RBFOX3: variants seen among roughly 807,000 people sequenced by gnomAD.
RBFOX3 encodes the protein RNA binding protein fox-1 homolog 3.
RBFOX3 carries 17 observed loss-of-function variants against 48.7 expected under a neutral mutation model. That is an observed-to-expected ratio of 0.35 (90% CI 0.24 to 0.52). RBFOX3 has a LOEUF of 0.52. Ranked by LOEUF, RBFOX3 falls within the 20% of genes least tolerant of loss-of-function variation. RBFOX3 has a pLI of 0.94. For synonymous variants in RBFOX3, 212 were observed against 209.5 expected (o/e 1.01, Z -0.10); for missense variants, 382 against 497.5 (o/e 0.77, Z 2.21).
chr17:79,521,820 T>C (rs2086151457), intron 1 of RBFOX3, among the ~76,000 whole-genome samples: 1 of 152,202 alleles, frequency 6.6e-6, no homozygotes, highest in African/African-American at 2.4e-5. Flanking sequence ...TGCACATACA[T>C]ATCCTTAAGA....
chr17:79,448,338 G>A (rs899335452), intron 2 of RBFOX3, among the ~76,000 whole-genome samples: 12 of 152,192 alleles, frequency 7.9e-5, no homozygotes, highest in African/African-American at 2.9e-4. Flanking sequence ...CTCAAGCTGT[G>A]ACCTTATCTG....
At chr17:79,118,107 G>A (rs1436986848) in intron 4 of RBFOX3, among the ~76,000 whole-genome samples, 1 of 151,990 alleles carries the variant, frequency 6.6e-6, no homozygotes, top group Non-Finnish European at 1.5e-5. Flanking sequence ...CCCCAGTGCC[G>A]GCCGGCCCTG....
At chr17:79,617,640 C>T in the RBFOX3 span, among the ~76,000 whole-genome samples, 1 of 152,248 alleles carries the variant, frequency 6.6e-6, no homozygotes, top group East Asian at 1.9e-4. Context: ...TCTTTCTCTG[C>T]TTCTCCCTAA....
intron 2 of RBFOX3, among the ~76,000 whole-genome samples, chr17:79,432,937 G>A (rs1437223019): frequency 2.0e-5 from 3 of 152,304 alleles, no homozygotes; most frequent in East Asian, 1.9e-4. Flanking sequence ...TAAGTAAAAC[G>A]TTTAGAATCC....
chr17:79,522,279 G>T (rs1362500108), intron 1 of RBFOX3, among the ~76,000 whole-genome samples: 6 of 152,220 alleles, frequency 3.9e-5, no homozygotes, highest in African/African-American at 1.2e-4. Context: ...CAGAGGCCCT[G>T]TGTCATGCTG....
At chr17:79,631,824 G>A in the RBFOX3 span, among the ~76,000 whole-genome samples, 9 of 152,326 alleles carry the variant, frequency 5.9e-5, no homozygotes, top group African/African-American at 2.2e-4. Context: ...TGCTCCCCCT[G>A]GAAGAAGGAT....
At chr17:79,545,678 A>T (rs781868461) in intron 1 of RBFOX3, among the ~76,000 whole-genome samples, 2 of 152,168 alleles carry the variant, frequency 1.3e-5, no homozygotes, top group African/African-American at 2.4e-5. Flanking sequence ...ACGCTGTCCA[A>T]CCCACCTCCT....
At chr17:79,350,634 T>C (rs1598351308) in intron 2 of RBFOX3, among the ~76,000 whole-genome samples, 1 of 152,182 alleles carries the variant, frequency 6.6e-6, no homozygotes, top group Non-Finnish European at 1.5e-5. Context: ...TGCCCCACCA[T>C]GCCTCTGTCC....
chr17:79,187,607 G>A (rs28580005), intron 4 of RBFOX3, among the ~76,000 whole-genome samples: 8,476 of 152,216 alleles, frequency 0.056, 259 homozygotes, highest in South Asian at 0.088. Flanking sequence ...CATGGCTCAG[G>A]GATGGGAGGA....
chr17:79,485,691 C>T (rs1035731027), intron 1 of RBFOX3, among the ~76,000 whole-genome samples: 7 of 152,218 alleles, frequency 4.6e-5, no homozygotes, highest in African/African-American at 9.6e-5. Context: ...TGTCTGCAGC[C>T]GCCGGCTTAG....
At chr17:79,373,920 G>A (rs909274943) in intron 2 of RBFOX3, among the ~76,000 whole-genome samples, 4 of 152,050 alleles carry the variant, frequency 2.6e-5, no homozygotes, top group African/African-American at 7.2e-5. Flanking sequence ...GTGCAGTGGC[G>A]CGATCTCGGC....
rs2057342869 is a variant in RBFOX3 at position 79,363,791 on chromosome 17, G to A, written c.-174-55967C>T. ...CCCCAGCAGCCTGGGTCTGACTGAG[G>A]AAGGTCAATCAGCTCGCACCCCTGC... On this transcript the variant is annotated intron_variant, in intron 2 of 14. Transcript: ENST00000693108. This position sits in a 1 kb window ranked among gnomAD's most constrained non-coding sequence, Gnocchi z 4.7. 1.3e-5 allele frequency among the ~76,000 whole-genome samples: 2 copies of A among 152,060 alleles called. No homozygotes were observed. Among genetic ancestry groups the A allele is most frequent in the African/African-American group, 4.8e-5 (2 of 41,392 alleles).
chr17:79,440,469 G>A (rs1444035684), intron 2 of RBFOX3, among the ~76,000 whole-genome samples: 7 of 152,130 alleles, frequency 4.6e-5, no homozygotes, highest in African/African-American at 1.2e-4. Context: ...TACCTGGGCC[G>A]GCCGAAGCCC....
chr17:79,415,618 T>A (rs538325249), intron 2 of RBFOX3, among the ~76,000 whole-genome samples: 2 of 152,258 alleles, frequency 1.3e-5, no homozygotes, highest in African/African-American at 4.8e-5. Context: ...GGCGGGCAGC[T>A]AGATGGCCAA....
At chr17:79,584,275 T>C (rs1166917046) in intron 1 of RBFOX3, among the ~76,000 whole-genome samples, 1 of 152,178 alleles carries the variant, frequency 6.6e-6, no homozygotes, top group Non-Finnish European at 1.5e-5. Context: ...CAGGGAACAC[T>C]TTTACACTGC....
chr17:79,313,689 C>T (rs2077154493), intron 2 of RBFOX3, among the ~76,000 whole-genome samples: 1 of 152,202 alleles, frequency 6.6e-6, no homozygotes, highest in Non-Finnish European at 1.5e-5. Context: ...TGCTCAGAGC[C>T]TCCCCTTCCC....
At chr17:79,289,028 G>C (rs1227200785) in intron 3 of RBFOX3, among the ~76,000 whole-genome samples, 2 of 152,070 alleles carry the variant, frequency 1.3e-5, no homozygotes, top group Non-Finnish European at 2.9e-5. Flanking sequence ...GGGACAGCTG[G>C]GGGGAGTCAC....
intron 4 of RBFOX3, among the ~76,000 whole-genome samples, chr17:79,190,440 C>CTATAACAAAAAAAAAA (rs1024817953): frequency 7.8e-6 from 1 of 128,138 alleles, no homozygotes; most frequent in Non-Finnish European, 1.7e-5. Flanking sequence ...AACAAAAAAA[C>CTATAACAAAAAAAAAA]AGAGTGAAGA....
chr17:79,398,871 C>T (rs2062401795), intron 2 of RBFOX3, among the ~76,000 whole-genome samples: 2 of 152,182 alleles, frequency 1.3e-5, no homozygotes, highest in African/African-American at 2.4e-5. Context: ...TAAGTTGAAG[C>T]GCAAACCCCT....
Sources: gnomAD v4.1 joint callset for allele counts (sites outside exome capture counted in the v4.1 genomes callset) on GRCh38, gnomAD v4.1.1 for gene constraint, Gnocchi (gnomAD v3.1) non-coding constraint, MANE v1.5 for transcripts, NCBI Gene and HGNC (gene_info 2026-07-23, HGNC 2026-07-21) for gene names.